PTPRU: variants seen among roughly 807,000 people sequenced by gnomAD.
The protein encoded by PTPRU is protein tyrosine phosphatase receptor type U, also known as receptor-type tyrosine-protein phosphatase U.
In PTPRU, 69 loss-of-function variants were observed where a neutral mutation model predicts 166.3. The observed-to-expected ratio is 0.41, with a 90% confidence interval of 0.34 to 0.51. The LOEUF is 0.51. Among genes scored for constraint, PTPRU ranks in the 20% least tolerant of loss-of-function variants. The pLI is 0.09. For synonymous variants in PTPRU, 793 were observed against 814.0 expected, an observed-to-expected ratio of 0.97 and a Z score of 0.44; for missense variants, 1,657 against 2,013.7, an observed-to-expected ratio of 0.82 and a Z score of 3.39.
Position 29,315,269 on chromosome 1 carries a change from C to G in PTPRU, c.3228-103C>G. ...GGCAGTCATCTCTGTGTCCGTGTCC[C>G]CTGTATGGTGTAGACATGGCCAGTG... On this transcript the variant is annotated intron_variant, in intron 22 of 29. Transcript: ENST00000373779. The surrounding 1 kb of genome is among the most constrained non-coding windows in gnomAD (Gnocchi z 4.5). The G allele has an allele frequency of 6.9e-7, 1 of 1,445,816 alleles. No homozygotes were observed. The highest frequency in any genetic ancestry group is 9.5e-7 in the Non-Finnish European group (1 of 1,049,542). The allele number at this position is 1,445,816 out of a possible 1,614,324, so 89.6% of individuals were successfully genotyped here. A position where few individuals can be genotyped will look rare whatever the true frequency, so the allele number is the denominator to read the frequency against.
intron 15 of PTPRU, among the ~76,000 whole-genome samples, chr1:29,294,522 T>C (rs1242219550): frequency 6.6e-6 from 1 of 152,226 alleles, no homozygotes; most frequent in Non-Finnish European, 1.5e-5. Flanking sequence ...TTGTGGCTTA[T>C]CTTCCTAGGT....
At position 29,238,725 on chromosome 1, in the gene PTPRU, C is replaced by T. The variant is rs1683902877; in HGVS notation, c.73+2008C>T. Among the ~76,000 whole-genome samples, 1 of 152,184 alleles carries T rather than the reference C, an allele frequency of 6.6e-6. No homozygotes were observed. The highest frequency in any genetic ancestry group is 2.4e-5 in the African/African-American group (1 of 41,456). On this transcript the variant is annotated intron_variant, in intron 1 of 29. Transcript: ENST00000373779. This position sits in a 1 kb window ranked among gnomAD's most constrained non-coding sequence, Gnocchi z 6.1. ...CCCCCATGTCCTGCGGCAACTTTGCCTCCCTCTCCCACCGTGAAATCAAAC... is the reference window on the plus strand; with the variant it reads ...CCCCCATGTCCTGCGGCAACTTTGCTTCCCTCTCCCACCGTGAAATCAAAC...
chr1:29,259,599 G>A (rs1684944403), intron 5 of PTPRU, 35 bp downstream of exon 5: 2 of 1,467,178 alleles, frequency 1.4e-6, no homozygotes, highest in Non-Finnish European at 1.9e-6. Flanking sequence ...TGGGGGCGGG[G>A]TGGGAGGGGG....
chr1:29,278,205 A>G (rs1174569537), intron 8 of PTPRU, among the ~76,000 whole-genome samples: 47 of 152,102 alleles, frequency 3.1e-4, no homozygotes, highest in Admixed American at 3.0e-3. Flanking sequence ...AGTTACCACT[A>G]AGCTCCTTGG....
chr1:29,278,549 T>C (rs990151718), intron 8 of PTPRU, among the ~76,000 whole-genome samples: 3 of 152,356 alleles, frequency 2.0e-5, no homozygotes, highest in Middle Eastern at 6.8e-3. Flanking sequence ...ATTTTCTACA[T>C]TGAACATGTC....
intron 14 of PTPRU, among the ~76,000 whole-genome samples, chr1:29,287,462 C>T (rs1446187902): frequency 6.6e-6 from 1 of 152,128 alleles, no homozygotes; most frequent in African/African-American, 2.4e-5. Flanking sequence ...CAGTCTAGCC[C>T]AGGGGAGTCG....
intron 14 of PTPRU, among the ~76,000 whole-genome samples, chr1:29,289,309 C>T (rs1274586753): frequency 1.3e-5 from 2 of 152,064 alleles, no homozygotes; most frequent in Non-Finnish European, 2.9e-5. Flanking sequence ...ACCTGTGTGT[C>T]TGCATTTGTG....
intron 14 of PTPRU, among the ~76,000 whole-genome samples, chr1:29,290,636 A>G (rs1026886996): frequency 6.6e-6 from 1 of 152,218 alleles, no homozygotes; most frequent in Non-Finnish European, 1.5e-5. Context: ...GTTTCCTGAC[A>G]CGAGCTTTTC....
intron 18 of PTPRU, chr1:29,306,987 G>C: frequency 2.1e-6 from 2 of 945,160 alleles, no homozygotes; most frequent in South Asian, 3.0e-5. Flanking sequence ...GCTCAGCCCA[G>C]CCCGGCCTGC....
chr1:29,296,327 G>A (rs115486539), intron 15 of PTPRU, among the ~76,000 whole-genome samples: 4,824 of 152,224 alleles, frequency 0.032, 98 homozygotes, highest in Middle Eastern at 0.061. Flanking sequence ...TTGCTGAGAG[G>A]TTTTAAGTGG....
chr1:29,286,179 G>C (rs985139322), intron 14 of PTPRU, among the ~76,000 whole-genome samples: 1 of 152,170 alleles, frequency 6.6e-6, no homozygotes, highest in Non-Finnish European at 1.5e-5. Flanking sequence ...GAGGAGATGG[G>C]GGGGATGGCC....
intron 15 of PTPRU, among the ~76,000 whole-genome samples, chr1:29,294,000 G>T (rs542897513): frequency 6.6e-6 from 1 of 152,298 alleles, no homozygotes; most frequent in East Asian, 1.9e-4. Context: ...CCATCCATGG[G>T]CATTCGATTG....
chr1:29,323,044 A>G (rs1460209364), intron 26 of PTPRU, among the ~76,000 whole-genome samples: 1 of 152,194 alleles, frequency 6.6e-6, no homozygotes, highest in Non-Finnish European at 1.5e-5. Context: ...TATTCCTGGA[A>G]GCAGGCAGCC....
chr1:29,295,244 A>C (rs1214295846), intron 15 of PTPRU, among the ~76,000 whole-genome samples: 3 of 150,894 alleles, frequency 2.0e-5, no homozygotes, highest in Admixed American at 6.6e-5. Flanking sequence ...GGGTTTCACT[A>C]TGTTACTCCA....
At chr1:29,269,814 C>T (rs72649299) in intron 7 of PTPRU, among the ~76,000 whole-genome samples, 12,265 of 152,180 alleles carry the variant, frequency 0.081, 667 homozygotes, top group Admixed American at 0.14. Flanking sequence ...CATCTCTGCC[C>T]ATATGCCTGC....
rs771222978 is a variant in PTPRU at position 29,320,696 on chromosome 1, G to A, written c.3699G>A (p.Arg1233=). Residue 1233 remains arginine, a synonymous_variant, in exon 26 of 30, where the codon CGG becomes CGA. Transcript: ENST00000373779. This position sits in a 1 kb window ranked among gnomAD's most constrained non-coding sequence, Gnocchi z 5.2. The stretch of plus-strand genomic sequence containing the variant: ...CGGTTTCCCTGCAGAGCTACACACG[G>A]AGTGCGGCCTTCATCGTGACCCTGC... ...INAALTDSYT[R]SAAFIVTLHP... 5.0e-6 allele frequency: 8 copies of A among 1,593,462 alleles called. No homozygotes were observed. In the African/African-American group the frequency reaches 1.1e-4, roughly 21 times the overall value.
intron 25 of PTPRU, among the ~76,000 whole-genome samples, chr1:29,319,218 G>A: frequency 6.6e-6 from 1 of 152,190 alleles, no homozygotes; most frequent in East Asian, 1.9e-4. Context: ...GTAGTACCGG[G>A]AAGATCTTTG....
Position 29,260,118 on chromosome 1 carries a change from G to C in PTPRU, c.850+74G>C. The C allele has an allele frequency of 8.0e-7, 1 of 1,250,818 alleles. No homozygotes were observed. Among genetic ancestry groups the C allele is most frequent in the Non-Finnish European group, 1.0e-6 (1 of 978,156 alleles). 77.5% of individuals were successfully genotyped at this position (1,250,818 alleles called of 1,614,324 possible). On this transcript the variant is annotated intron_variant, in intron 6 of 29. Transcript: ENST00000373779. The surrounding 1 kb of genome is among the most constrained non-coding windows in gnomAD (Gnocchi z 8.3). ...GGGGCCGGCGACGGGGGCGGGCTCT[G>C]CCCGGGGGCGTGGCCGTGGGGGGTG...
At chr1:29,247,181 C>T (rs1471117988) in intron 1 of PTPRU, among the ~76,000 whole-genome samples, 1 of 152,256 alleles carries the variant, frequency 6.6e-6, no homozygotes, top group African/African-American at 2.4e-5. Flanking sequence ...CTTAAACTTA[C>T]CATCTTGGCA....
Sources: gnomAD v4.1 joint callset for allele counts (sites outside exome capture counted in the v4.1 genomes callset) on GRCh38, gnomAD v4.1.1 for gene constraint, Gnocchi (gnomAD v3.1) non-coding constraint, MANE v1.5 for transcripts, NCBI Gene and HGNC (gene_info 2026-07-23, HGNC 2026-07-21) for gene names.